The following DSC3 variants were observed in gnomAD, a reference collection of about 807,000 sequenced individuals.
DSC3 encodes desmocollin 3, also known as desmocollin-3.
Under a neutral mutation model 89.5 loss-of-function variants are expected in DSC3, and 97 were observed. The ratio of observed to expected loss-of-function variants is 1.08; its 90% confidence interval spans 0.92 to 1.28. DSC3 has a LOEUF of 1.28. DSC3 is among the 50% of genes most tolerant of loss of function. The probability of loss-of-function intolerance (pLI) is 0.00; values close to 1 mark genes in which losing one functional copy is unlikely to be tolerated. For missense variants in DSC3, 1,199 were observed against 1,085.3 expected (o/e 1.10, Z -1.47); for synonymous variants, 436 against 384.1 (o/e 1.14, Z -1.58).
In DSC3 at chr18:31,008,466, C is replaced by T. The variant is rs758427635; in HGVS notation, c.1323G>A (p.Ala441=). 7 of 1,614,126 alleles carry T rather than the reference C, an allele frequency of 4.3e-6. No homozygotes were observed. Among genetic ancestry groups the T allele is most frequent in the South Asian group, 1.1e-5 (1 of 91,080 alleles). The change falls in exon 10 of 16, where the codon GCG becomes GCA. Residue 441 remains alanine, a synonymous_variant. Coordinates refer to ENST00000360428, the MANE Select transcript of DSC3 (RefSeq NM_001941.5). Reference sequence around the variant, plus strand: ...CTCTGGGAATATCTCTAGCAAATGGCGCTTCATTGTTTACTCCAATTTCCA... The same window carrying T: ...CTCTGGGAATATCTCTAGCAAATGGTGCTTCATTGTTTACTCCAATTTCCA... The part of the protein sequence containing the change: ...VNLEIGVNNE[A]PFARDIPRVT...
In DSC3 at chr18:31,018,208, T is replaced by G. The variant is rs773705785; in HGVS notation, c.1126A>C (p.Ile376Leu). Reference protein sequence around the residue: ...ENAFNVEILRIPIEDKDLINT... With the variant: ...ENAFNVEILRLPIEDKDLINT... ...ATTAAATCCTTATCTTCTATAGGTATTCGTAAGATTTCCACATTGAATGCA... is the reference window on the plus strand; with the variant it reads ...ATTAAATCCTTATCTTCTATAGGTAGTCGTAAGATTTCCACATTGAATGCA... The change falls in exon 9 of 16, where the codon ATA (isoleucine) becomes CTA (leucine). Residue 376 changes from isoleucine (I) to leucine (L), a missense_variant. Ile to Leu is a conservative substitution (Grantham distance 5). Transcript: ENST00000360428. 3.1e-6 allele frequency: 5 copies of G among 1,612,106 alleles called. No homozygotes were observed. The Admixed American group carries it at 8.3e-5, about 27-fold the overall frequency.
chr18:31,018,732 G>T lies in DSC3; in HGVS notation c.1011C>A (p.Gly337=), dbSNP rs1985317556. 6.2e-7 allele frequency: 1 copy of T among 1,613,380 alleles called. No homozygotes were observed. Among genetic ancestry groups the T allele is most frequent in the African/African-American group, 1.3e-5 (1 of 74,908 alleles). The change falls in exon 8 of 16, where the codon GGC becomes GGA. Residue 337 remains glycine, a synonymous_variant. Transcript: ENST00000360428. ...TTACTGTTATGATACAAGTTGATGTGCCTATCAATCCAAAAAACTGGCCAT... is the reference window on the plus strand; with the variant it reads ...TTACTGTTATGATACAAGTTGATGTTCCTATCAATCCAAAAAACTGGCCAT... ...DMDGQFFGLI[G]TSTCIITVTD... is the part of the protein sequence containing the mutation.
At chr18:31,002,840 G>A (rs1354245459) in intron 13 of DSC3, among the ~76,000 whole-genome samples, 1 of 152,150 alleles carries the variant, frequency 6.6e-6, no homozygotes, top group Non-Finnish European at 1.5e-5. Context: ...CTGTTTGAAG[G>A]ACAGATTTGA....
rs746568219 is a variant in DSC3 at position 31,018,788 on chromosome 18, A to C, written c.955T>G (p.Tyr319Asp). Residue 319 changes from tyrosine (Y) to aspartate (D), a missense_variant, in exon 8 of 16, where the codon TAC (tyrosine) becomes GAC (aspartate). Transcript: ENST00000360428. Reference protein sequence around the residue: ...HYLDREVVDKYSLIMKVQDMD... With the variant: ...HYLDREVVDKDSLIMKVQDMD... ...TCTTGTACTTTCATTATCAATGAGT[A>C]CTTGTCTACAACCTGGAAACAAAGC... The C allele has an allele frequency of 6.2e-7, 1 of 1,613,690 alleles. No homozygotes were observed. Among genetic ancestry groups the C allele is most frequent in the Non-Finnish European group, 8.5e-7 (1 of 1,179,888 alleles).
rs879244317 is a variant in DSC3 at position 30,989,701 on chromosome 18, G to A, written c.*4474C>T. The stretch of plus-strand genomic sequence containing the variant: ...ACCTTTGCAATCAAAATAAACTGTC[G>A]AATACAGAAGCCCGTAAACATGTTC... On this transcript the variant is annotated 3_prime_UTR_variant, in exon 16 of 16. Transcript: ENST00000360428. 1.3e-5 allele frequency among the ~76,000 whole-genome samples: 2 copies of A among 152,096 alleles called. No individual in the cohort carries two copies. Among genetic ancestry groups the A allele is most frequent in the Admixed American group, 6.5e-5 (1 of 15,268 alleles).
rs1304215134 is a variant in DSC3, at chr18:30,994,555, T to C, written c.2494-183A>G. 1.2e-5 allele frequency: 16 copies of C among 1,363,420 alleles called. No individual in the cohort carries two copies. The East Asian group carries it at 2.0e-4, about 17-fold the overall frequency. 84.5% of individuals were successfully genotyped at this position (1,363,420 alleles called of 1,614,324 possible). On this transcript the variant is annotated intron_variant, in intron 15 of 15. Transcript: ENST00000360428. ...TCACAACCATACCATAAAGTCAGTA[T>C]AGTTTACATTTCTAGTGCTCCATAT...
At chr18:31,024,538 C>A in intron 5 of DSC3, 45 bp from the exon 6 acceptor site, 1 of 1,596,314 alleles carries the variant, frequency 6.3e-7, no homozygotes. Context: ...CAGATCCCGG[C>A]AAGACAGAAT....
At chr18:31,007,806 T>C in intron 11 of DSC3, among the ~76,000 whole-genome samples, 1 of 152,206 alleles carries the variant, frequency 6.6e-6, no homozygotes, top group East Asian at 1.9e-4. Context: ...TTTAAGGTCC[T>C]GCCCTATTGG....
intron 14 of DSC3, among the ~76,000 whole-genome samples, chr18:30,997,583 T>C (rs192952346): frequency 6.6e-6 from 1 of 152,230 alleles, no homozygotes; most frequent in Admixed American, 6.5e-5. Flanking sequence ...TATCAGCTTT[T>C]AGGGACAAAT....
chr18:31,036,111 CA>C (rs1051250966), intron 1 of DSC3, among the ~76,000 whole-genome samples: 1 of 152,120 alleles, frequency 6.6e-6, no homozygotes, highest in African/African-American at 2.4e-5. Context: ...ATTACTGTGC[CA>C]TACATGAACA....
intron 12 of DSC3, among the ~76,000 whole-genome samples, chr18:31,004,710 C>T (rs1161445292): frequency 2.1e-5 from 3 of 141,780 alleles, no homozygotes; most frequent in Non-Finnish European, 4.5e-5. Context: ...TACAGGTACA[C>T]ACAAATAGTT....
chr18:31,000,113 T>C (rs1473543316), intron 14 of DSC3, among the ~76,000 whole-genome samples: 1 of 152,016 alleles, frequency 6.6e-6, no homozygotes, highest in Non-Finnish European at 1.5e-5. Flanking sequence ...TGGGCTATGA[T>C]TTTGCATGGT....
intron 4 of DSC3, among the ~76,000 whole-genome samples, chr18:31,028,655 G>A (rs1985679589): frequency 6.6e-6 from 1 of 151,994 alleles, no homozygotes; most frequent in South Asian, 2.1e-4. Flanking sequence ...TAAATATCAA[G>A]CACACTATTA....
In DSC3 at chr18:31,042,689, C is replaced by G; in HGVS notation, c.-29G>C. The G allele has an allele frequency of 6.5e-7, 1 of 1,544,878 alleles. No individual in the cohort carries two copies. Among genetic ancestry groups the G allele is most frequent in the Non-Finnish European group, 8.7e-7 (1 of 1,143,978 alleles). ...GATGCCGGGCAGGGCCAGGAGAACGCGGGCGCCGGGAGGGTGCCGAGAGCG... is the reference window on the plus strand; with the variant it reads ...GATGCCGGGCAGGGCCAGGAGAACGGGGGCGCCGGGAGGGTGCCGAGAGCG... On this transcript the variant is annotated 5_prime_UTR_variant, in exon 1 of 16. Coordinates refer to ENST00000360428, the MANE Select transcript of DSC3 (RefSeq NM_001941.5).
chr18:31,011,061 A>T (rs1985040258), intron 9 of DSC3, among the ~76,000 whole-genome samples: 1 of 152,232 alleles, frequency 6.6e-6, no homozygotes, highest in African/African-American at 2.4e-5. Flanking sequence ...ACTTTCCAAG[A>T]TCACACAGCT....
chr18:31,040,000 A>C (rs1465405826), intron 1 of DSC3, among the ~76,000 whole-genome samples: 1 of 152,192 alleles, frequency 6.6e-6, no homozygotes, highest in Non-Finnish European at 1.5e-5. Context: ...AAAATGATGA[A>C]TATATCAAAT....
chr18:31,032,599 T>C (rs1001276033), intron 1 of DSC3, among the ~76,000 whole-genome samples: 1 of 142,126 alleles, frequency 7.0e-6, no homozygotes, highest in Non-Finnish European at 1.5e-5. Flanking sequence ...TGCGTGTGCG[T>C]GTGCGTGTGC....
At chr18:30,996,765 G>A in intron 15 of DSC3, 26 bp downstream of exon 15, 1 of 1,610,872 alleles carries the variant, frequency 6.2e-7, no homozygotes, top group Non-Finnish European at 8.5e-7. Flanking sequence ...TTAAATTTTA[G>A]ACTCAAAACA....
At position 31,011,969 on chromosome 18, in the gene DSC3, CA is replaced by C. The variant is rs371759932; in HGVS notation, c.1264-3445del. 2.1e-3 allele frequency among the ~76,000 whole-genome samples: 108 copies of C among 51,574 alleles called. 2 individuals are homozygous for C. The highest frequency in any genetic ancestry group is 3.0e-3 in the African/African-American group (34 of 11,368). The allele number at this position is 51,574 out of a possible 152,430, so 33.8% of individuals were successfully genotyped here. A position where few individuals can be genotyped will look rare whatever the true frequency, so the allele number is the denominator to read the frequency against. ...AAAGTACTTAAAAGTACTCCATCTC[CA>C]AAAAAAAAAAAAAAAAAAGTACTTA... On this transcript the variant is annotated intron_variant, in intron 9 of 15. Coordinates refer to ENST00000360428, the MANE Select transcript of DSC3 (RefSeq NM_001941.5).
Sources: gnomAD v4.1 joint callset for allele counts (sites outside exome capture counted in the v4.1 genomes callset) on GRCh38, gnomAD v4.1.1 for gene constraint, MANE v1.5 for transcripts, NCBI Gene and HGNC (gene_info 2026-07-23, HGNC 2026-07-21) for gene names.